MAGI1: variants seen among roughly 807,000 people sequenced by gnomAD.
The protein encoded by MAGI1 is membrane-associated guanylate kinase, WW and PDZ domain-containing protein 1.
MAGI1 carries 58 observed loss-of-function variants against 139.9 expected under a neutral mutation model. The ratio of observed to expected loss-of-function variants is 0.41; its 90% CI spans 0.34 to 0.52. MAGI1 has a LOEUF of 0.52. MAGI1 is among the 20% of genes least tolerant of loss of function. The pLI, the probability that MAGI1 is intolerant of heterozygous loss-of-function variation, is 0.12. For missense variants in MAGI1, 1,874 were observed against 1,901.6 expected (o/e 0.99, Z 0.27); for synonymous variants, 812 against 737.9 (o/e 1.10, Z -1.63).
intron 2 of MAGI1, chr3:65,549,492 C>T (rs2107957573): frequency 1.0e-5 from 10 of 985,350 alleles, no homozygotes; most frequent in East Asian, 1.1e-4. Flanking sequence ...GCCTCATCCC[C>T]GCGCGTCTGA....
Position 65,356,858 on chromosome 3 carries a change from T to TCCCTCCGG in MAGI1, c.3901_3908dup (p.Ala1307GlyfsTer131). On this transcript the variant is annotated frameshift_variant, in exon 23 of 23. Transcript: ENST00000402939. LOFTEE classifies it low-confidence loss of function (END_TRUNC). ...CGCGCTCGGCCTGCGCGTCCCTCCG[T>TCCCTCCGG]CCCTCCGGCGCCCGGTCCTTGGGTC... 6.2e-7 allele frequency: 1 copy of TCCCTCCGG among 1,614,016 alleles called. No individual in the cohort carries two copies. The highest frequency in any genetic ancestry group is 8.5e-7 in the Non-Finnish European group (1 of 1,179,902).
chr3:65,891,885 AATATATATATATATATATATATAT>A (rs55826911), intron 1 of MAGI1, among the ~76,000 whole-genome samples: 3,466 of 37,550 alleles, frequency 0.092, 196 homozygotes, highest in Middle Eastern at 0.24. Context: ...CTTAAAGTAT[AATATATATATATATATATATATAT>A]ATATATATAT....
chr3:65,364,540 A>G, intron 20 of MAGI1, 125 bp downstream of exon 20: 1 of 789,390 alleles, frequency 1.3e-6, no homozygotes, highest in Non-Finnish European at 2.1e-6. Context: ...ACGTTTGGTA[A>G]ATCACCTCAC....
intron 2 of MAGI1, among the ~76,000 whole-genome samples, chr3:65,570,903 AG>A (rs1050168810): frequency 6.6e-6 from 1 of 152,236 alleles, no homozygotes; most frequent in African/African-American, 2.4e-5. Flanking sequence ...AAGAACTGCT[AG>A]GACAAAACAA....
intron 1 of MAGI1, among the ~76,000 whole-genome samples, chr3:65,776,527 A>G (rs1290208261): frequency 6.6e-6 from 1 of 152,210 alleles, no homozygotes; most frequent in Non-Finnish European, 1.5e-5. Flanking sequence ...GCTGATTTCT[A>G]AACTGTAATA....
intron 1 of MAGI1, among the ~76,000 whole-genome samples, chr3:65,832,543 A>T (rs2042584909): frequency 6.6e-6 from 1 of 152,022 alleles, no homozygotes; most frequent in African/African-American, 2.4e-5. Flanking sequence ...TCATCTTTCA[A>T]GACTCCTGGA....
intron 1 of MAGI1, among the ~76,000 whole-genome samples, chr3:65,725,845 G>A (rs566801446): frequency 2.1e-4 from 32 of 152,236 alleles, no homozygotes; most frequent in African/African-American, 4.6e-4. Flanking sequence ...TTGCTCCAAC[G>A]TTAGAAAAGT....
intron 1 of MAGI1, among the ~76,000 whole-genome samples, chr3:65,670,834 C>A (rs2107460340): frequency 6.6e-6 from 1 of 152,130 alleles, no homozygotes. Context: ...CCAAGGTAAA[C>A]AGGCACATAT....
chr3:65,698,508 G>C (rs202073730), intron 1 of MAGI1, among the ~76,000 whole-genome samples: 44,708 of 151,244 alleles, frequency 0.3, 8,260 homozygotes, highest in South Asian at 0.44. Flanking sequence ...AAACAGCATG[G>C]TACTGGTACC....
At chr3:65,451,537 G>A (rs190826161) in intron 6 of MAGI1, among the ~76,000 whole-genome samples, 1 of 152,082 alleles carries the variant, frequency 6.6e-6, no homozygotes, top group East Asian at 1.9e-4. Flanking sequence ...ATACTTACTG[G>A]CTCAGCATTC....
intron 1 of MAGI1, among the ~76,000 whole-genome samples, chr3:65,811,854 T>C (rs1391200659): frequency 6.6e-6 from 1 of 152,114 alleles, no homozygotes; most frequent in Non-Finnish European, 1.5e-5. Flanking sequence ...AAGCTAGTCA[T>C]TACCAGCTAG....
intron 1 of MAGI1, among the ~76,000 whole-genome samples, chr3:65,730,295 A>T (rs1340782500): frequency 6.6e-6 from 1 of 152,196 alleles, no homozygotes; most frequent in Non-Finnish European, 1.5e-5. Flanking sequence ...CAACAATGCT[A>T]TAAAAAAAAA....
At chr3:65,867,657 G>A (rs1322053959) in intron 1 of MAGI1, among the ~76,000 whole-genome samples, 1 of 152,136 alleles carries the variant, frequency 6.6e-6, no homozygotes, top group Non-Finnish European at 1.5e-5. Context: ...TGGTGCTGAG[G>A]TGGGAGAATT....
intron 13 of MAGI1, among the ~76,000 whole-genome samples, chr3:65,399,872 GGAAAA>G (rs1559523763): frequency 1.3e-5 from 2 of 152,144 alleles, no homozygotes; most frequent in African/African-American, 4.8e-5. Flanking sequence ...AATGCAAAAT[GGAAAA>G]GAACACCTTG....
At chr3:65,968,978 AC>A (rs1175764464) in intron 1 of MAGI1, among the ~76,000 whole-genome samples, 1 of 152,206 alleles carries the variant, frequency 6.6e-6, no homozygotes, top group Non-Finnish European at 1.5e-5. Context: ...ACCAAGTTTT[AC>A]ATGGGATACA....
chr3:65,869,627 C>G (rs994153475), intron 1 of MAGI1, among the ~76,000 whole-genome samples: 13 of 151,946 alleles, frequency 8.6e-5, no homozygotes, highest in African/African-American at 3.1e-4. Context: ...GTCTCGATCT[C>G]CTGACTTTGT....
At chr3:65,423,254 T>C (rs993582152) in intron 12 of MAGI1, among the ~76,000 whole-genome samples, 1 of 152,192 alleles carries the variant, frequency 6.6e-6, no homozygotes, top group Non-Finnish European at 1.5e-5. Context: ...CATTCTCTGG[T>C]CCAAGACCAG....
intron 1 of MAGI1, among the ~76,000 whole-genome samples, chr3:65,714,833 G>A (rs2032018192): frequency 6.6e-6 from 1 of 152,066 alleles, no homozygotes; most frequent in Admixed American, 6.6e-5. Flanking sequence ...TAAATCATCT[G>A]AAATTTCTGT....
chr3:65,949,961 A>G (rs963288388), intron 1 of MAGI1, among the ~76,000 whole-genome samples: 7 of 148,546 alleles, frequency 4.7e-5, no homozygotes, highest in African/African-American at 1.7e-4. Flanking sequence ...AGATGGGAGG[A>G]TGACTTGAGC....
Sources: allele counts gnomAD v4.1 joint callset (sites outside exome capture counted in the v4.1 genomes callset), GRCh38; gene constraint gnomAD v4.1.1; transcripts MANE v1.5; gene names NCBI Gene and HGNC (gene_info 2026-07-23, HGNC 2026-07-21).